Variants in IL5RA observed in about 807,000 individuals in gnomAD.
IL5RA encodes the protein interleukin 5 receptor subunit alpha.
Under a neutral mutation model 50.0 loss-of-function variants are expected in IL5RA, and 49 were observed. That is an observed-to-expected ratio of 0.98 (90% CI 0.78 to 1.24). IL5RA has a LOEUF of 1.24. IL5RA is among the 50% of genes most tolerant of loss of function. IL5RA has a pLI of 0.00. For synonymous variants in IL5RA, 202 were observed against 174.0 expected, an observed-to-expected ratio of 1.16 and a Z score of -1.26; for missense variants, 600 against 500.4, an observed-to-expected ratio of 1.20 and a Z score of -1.90.
At position 3,068,161 on chromosome 3, in the gene IL5RA, C is replaced by G. The variant is rs973710609; in HGVS notation, c.*2064G>C. ...ACCTGAGAACTTGTTAGAAACGCAG[C>G]TTTTCAGACCTCACCCAGACCTATT... is the stretch of plus-strand genomic sequence containing the variant. On this transcript the variant is annotated 3_prime_UTR_variant, in exon 12 of 12. Coordinates refer to ENST00000446632, the MANE Select transcript of IL5RA (RefSeq NM_175726.4). The G allele has an allele frequency of 2.6e-5, 4 of 152,276 alleles. No homozygotes were observed. The highest frequency in any genetic ancestry group is 6.5e-5 in the Admixed American group (1 of 15,274). The allele number at this position is 152,276 out of a possible 1,614,324, so 9.4% of individuals were successfully genotyped here.
chr3:3,098,139 A>G lies in IL5RA; in HGVS notation c.519T>C (p.Tyr173=), dbSNP rs2125980459. The G allele has an allele frequency of 1.3e-5, 21 of 1,614,188 alleles. No individual in the cohort carries two copies. Among genetic ancestry groups the G allele is most frequent in the Non-Finnish European group, 1.7e-5 (20 of 1,180,022 alleles). The part of the protein sequence containing the change: ...APEDTQYFLY[Y]RYGSWTEECQ... ...GTAAAAATAGGTACAGTACTAACCT[A>G]TAGTAGAGAAAATACTGCGTGTCCT... The change falls in exon 6 of 12, where the codon TAT becomes TAC. Residue 173 remains tyrosine, a splice_region_variant and synonymous_variant. Coordinates refer to ENST00000446632, the MANE Select transcript of IL5RA (RefSeq NM_175726.4).
At chr3:3,084,946 GTGA>G (rs1702796676) in intron 9 of IL5RA, among the ~76,000 whole-genome samples, 1 of 152,278 alleles carries the variant, frequency 6.6e-6, no homozygotes, top group Non-Finnish European at 1.5e-5. Flanking sequence ...GCCTAGAAGG[GTGA>G]TGTAGGCACC....
Position 3,108,615 on chromosome 3 carries a change from C to T in IL5RA, c.-69G>A, listed in dbSNP as rs1704042585. On this transcript the variant is annotated 5_prime_UTR_variant, in exon 2 of 12. Transcript: ENST00000446632. ...AGAAGATGGCGAGGACCGTGTCTGT[C>T]GTGTCTATGCTCGTGGCTGCAACCC... is the stretch of plus-strand genomic sequence containing the variant. 1 of 152,242 alleles carries T rather than the reference C, an allele frequency of 6.6e-6. No individual in the cohort carries two copies. Among genetic ancestry groups the T allele is most frequent in the Admixed American group, 6.5e-5 (1 of 15,276 alleles). 9.4% of individuals were successfully genotyped at this position (152,242 alleles called of 1,614,324 possible).
chr3:3,077,729 C>T (rs1051228525), intron 9 of IL5RA, among the ~76,000 whole-genome samples: 1 of 152,176 alleles, frequency 6.6e-6, no homozygotes, highest in Non-Finnish European at 1.5e-5. Context: ...GATTGCACCA[C>T]TGCACTCCAG....
At chr3:3,078,229 G>C (rs772823211) in intron 9 of IL5RA, among the ~76,000 whole-genome samples, 2 of 152,194 alleles carry the variant, frequency 1.3e-5, no homozygotes, top group African/African-American at 4.8e-5. Flanking sequence ...GGAATTTTCA[G>C]GTCCTTGTTA....
intron 9 of IL5RA, among the ~76,000 whole-genome samples, chr3:3,081,950 C>T (rs369614070): frequency 6.6e-6 from 1 of 152,116 alleles, no homozygotes; most frequent in South Asian, 2.1e-4. Context: ...CAACCAAGGT[C>T]GGCTTTTCCT....
chr3:3,100,851 T>C (rs1703611815), intron 5 of IL5RA, among the ~76,000 whole-genome samples: 1 of 152,040 alleles, frequency 6.6e-6, no homozygotes, highest in South Asian at 2.1e-4. Context: ...AGACAAGTTA[T>C]AACAAGTAAA....
Position 3,092,403 on chromosome 3 carries a change from C to G in IL5RA, c.856-41G>C. On this transcript the variant is annotated intron_variant, in intron 8 of 11. Coordinates refer to ENST00000446632, the MANE Select transcript of IL5RA (RefSeq NM_175726.4). The surrounding 1 kb of genome is among the most constrained non-coding windows in gnomAD (Gnocchi z 4.2). The stretch of plus-strand genomic sequence containing the variant: ...TAGCATTAGAAGAATCTCTAGACAC[C>G]TAATTTAGTTCTGCCGATTATCAGA... The G allele has an allele frequency of 1.9e-6, 3 of 1,592,976 alleles. No individual in the cohort carries two copies. Among genetic ancestry groups the G allele is most frequent in the Non-Finnish European group, 2.6e-6 (3 of 1,167,444 alleles).
At chr3:3,090,127 T>C in intron 9 of IL5RA, 1 of 1,373,268 alleles carries the variant, frequency 7.3e-7, no homozygotes, top group South Asian at 1.2e-5. Context: ...GATTATGTAT[T>C]TAGCATAGTG....
intron 9 of IL5RA, among the ~76,000 whole-genome samples, chr3:3,080,333 C>G (rs929542021): frequency 1.3e-5 from 2 of 152,100 alleles, no homozygotes; most frequent in South Asian, 2.1e-4. Context: ...GTAAGTCAGC[C>G]CAGGCCACAC....
Position 3,069,665 on chromosome 3 carries a change from A to G in IL5RA, c.*560T>C, listed in dbSNP as rs930714277. On this transcript the variant is annotated 3_prime_UTR_variant, in exon 12 of 12. Coordinates refer to ENST00000446632, the MANE Select transcript of IL5RA (RefSeq NM_175726.4). Reference sequence around the variant, plus strand: ...CTCTCTCTCTCTCTCTCTCTCATACACACACATACACAATCTACCTAGAAA... The same window carrying G: ...CTCTCTCTCTCTCTCTCTCTCATACGCACACATACACAATCTACCTAGAAA... 7.6e-6 allele frequency: 1 copy of G among 131,924 alleles called. No individual in the cohort carries two copies. Among genetic ancestry groups the G allele is most frequent in the Non-Finnish European group, 1.6e-5 (1 of 61,824 alleles). The allele number at this position is 131,924 out of a possible 1,614,324, so 8.2% of individuals were successfully genotyped here.
chr3:3,098,649 C>G (rs568454359), intron 5 of IL5RA, among the ~76,000 whole-genome samples: 1 of 152,150 alleles, frequency 6.6e-6, no homozygotes, highest in Non-Finnish European at 1.5e-5. Context: ...CTCAAGTGAT[C>G]CACCCACAGC....
chr3:3,090,295 A>T, intron 9 of IL5RA: 1 of 1,404,318 alleles, frequency 7.1e-7, no homozygotes, highest in Non-Finnish European at 9.9e-7. Context: ...GGGGATACAC[A>T]ATCAATCCTT....
intron 9 of IL5RA, among the ~76,000 whole-genome samples, chr3:3,091,217 T>A (rs1703083355): frequency 6.6e-6 from 1 of 152,126 alleles, no homozygotes; most frequent in Admixed American, 6.5e-5. Flanking sequence ...CTTCTTTTTT[T>A]AAAAAAGTAT....
intron 9 of IL5RA, among the ~76,000 whole-genome samples, chr3:3,083,009 C>G (rs1016581593): frequency 6.6e-6 from 1 of 152,150 alleles, no homozygotes; most frequent in Non-Finnish European, 1.5e-5. Flanking sequence ...TTTTTAGAGC[C>G]AGCAGGTGCT....
In IL5RA at chr3:3,077,630, G is replaced by C. The variant is rs571991772; in HGVS notation, c.995-1003C>G. Among the ~76,000 whole-genome samples, 5 of 152,206 alleles carry C rather than the reference G, an allele frequency of 3.3e-5. 1 individual carries two copies. The South Asian group carries it at 1.0e-3, about 32-fold the overall frequency. On this transcript the variant is annotated intron_variant, in intron 9 of 11. Coordinates refer to ENST00000446632, the MANE Select transcript of IL5RA (RefSeq NM_175726.4). ...CTAAAAATACAAATATTAGCCAGGCGTGGTGGCAGGCACCTGTAATCTCAG... is the reference window on the plus strand; with the variant it reads ...CTAAAAATACAAATATTAGCCAGGCCTGGTGGCAGGCACCTGTAATCTCAG...
At chr3:3,082,334 C>A (rs978913123) in intron 9 of IL5RA, among the ~76,000 whole-genome samples, 1 of 152,138 alleles carries the variant, frequency 6.6e-6, no homozygotes, top group African/African-American at 2.4e-5. Context: ...ACCTTTCTTG[C>A]CATTAAAAAG....
chr3:3,093,934 C>G (rs1359957823), intron 8 of IL5RA, among the ~76,000 whole-genome samples: 1 of 152,132 alleles, frequency 6.6e-6, no homozygotes, highest in East Asian at 1.9e-4. Context: ...GTTACTTCAT[C>G]TCTTTTGCCT....
chr3:3,083,407 T>C (rs148890666), intron 9 of IL5RA, among the ~76,000 whole-genome samples: 6 of 152,202 alleles, frequency 3.9e-5, no homozygotes, highest in African/African-American at 7.2e-5. Flanking sequence ...AGAGAGGAAA[T>C]GGAGACTGTG....
Sources: gnomAD v4.1 joint callset for allele counts (sites outside exome capture counted in the v4.1 genomes callset) on GRCh38, gnomAD v4.1.1 for gene constraint, Gnocchi (gnomAD v3.1) non-coding constraint, MANE v1.5 for transcripts, NCBI Gene and HGNC (gene_info 2026-07-23, HGNC 2026-07-21) for gene names.